The following SPG7 variants were observed in gnomAD, a reference collection of about 807,000 sequenced individuals.
SPG7 encodes SPG7 matrix AAA peptidase subunit, paraplegin.
Under a neutral mutation model 81.9 loss-of-function variants are expected in SPG7, and 103 were observed. The ratio of observed to expected loss-of-function variants is 1.26; its 90% confidence interval spans 1.07 to 1.48. The LOEUF is 1.48. Among genes scored for constraint, SPG7 ranks in the 40% most tolerant of loss-of-function variants. The pLI, the probability that SPG7 is intolerant of heterozygous loss-of-function variation, is 0.00. For missense variants in SPG7, 1,241 were observed against 1,087.3 expected (o/e 1.14, Z -1.99); for synonymous variants, 534 against 444.2 (o/e 1.20, Z -2.54).
At chr16:89,529,651 A>T in intron 6 of SPG7, 72 bp downstream of exon 6, 1 of 1,093,492 alleles carries the variant, frequency 9.1e-7, no homozygotes, top group Non-Finnish European at 1.4e-6. Flanking sequence ...CCCATAAGCT[A>T]TACGATGAAT....
chr16:89,509,302 CT>C (rs1254130041), intron 1 of SPG7, among the ~76,000 whole-genome samples: 1 of 152,148 alleles, frequency 6.6e-6, no homozygotes, highest in African/African-American at 2.4e-5. Flanking sequence ...GTCGCCCAGG[CT>C]GGAGTGCAAT....
At chr16:89,556,606 C>G in intron 16 of SPG7, 1 of 467,964 alleles carries the variant, frequency 2.1e-6, no homozygotes. Flanking sequence ...ACACACACGT[C>G]TTGTTTGGTG....
At chr16:89,508,937 G>C (rs1196907445) in intron 1 of SPG7, 1 of 524,852 alleles carries the variant, frequency 1.9e-6, no homozygotes, top group African/African-American at 1.9e-5. Flanking sequence ...CTAATTTACA[G>C]TCCACGCCTG....
In SPG7 at chr16:89,508,859, T is replaced by C. The variant is rs974573498; in HGVS notation, c.183+259T>C. 2.3e-5 allele frequency: 15 copies of C among 663,938 alleles called. No individual in the cohort carries two copies. In the African/African-American group the frequency reaches 2.7e-4, roughly 12 times the overall value. The allele number at this position is 663,938 out of a possible 1,614,324, so 41.1% of individuals were successfully genotyped here. On this transcript the variant is annotated intron_variant, in intron 1 of 16. Transcript: ENST00000645818. Reference sequence around the variant, plus strand: ...GGACTTTCCCAACCCGTCTGTTGTGTGTGGATGTTCTCCGCCCGTCTTCCT... The same window carrying C: ...GGACTTTCCCAACCCGTCTGTTGTGCGTGGATGTTCTCCGCCCGTCTTCCT...
intron 9 of SPG7, among the ~76,000 whole-genome samples, chr16:89,535,394 G>A (rs993409962): frequency 1.3e-5 from 2 of 152,210 alleles, no homozygotes; most frequent in Non-Finnish European, 2.9e-5. Flanking sequence ...GAGGTTAGAA[G>A]ATGAAAGTGA....
intron 10 of SPG7, chr16:89,545,264 C>A (rs1050723243): frequency 3.8e-6 from 1 of 263,278 alleles, no homozygotes; most frequent in Non-Finnish European, 7.5e-6. Context: ...CTGATCCCTC[C>A]TCTGTCACAG....
rs892719019 is a variant in SPG7 at position 89,533,004 on chromosome 16, A to G, written c.1324+368A>G. ...AGAATCGCTTGAACTCGGGAGGTGG[A>G]GGTTGCAGTGAGCCAAGATCTCACC... is the stretch of plus-strand genomic sequence containing the variant. On this transcript the variant is annotated intron_variant, in intron 9 of 16. Transcript: ENST00000645818. 14 of 272,726 alleles carry G rather than the reference A, an allele frequency of 5.1e-5. No individual in the cohort carries two copies. The East Asian group carries it at 1.1e-3, about 22-fold the overall frequency. The allele number at this position is 272,726 out of a possible 1,614,324, so 16.9% of individuals were successfully genotyped here. A position where few individuals can be genotyped will look rare whatever the true frequency, so the allele number is the denominator to read the frequency against.
intron 7 of SPG7, 91 bp downstream of exon 7, chr16:89,530,899 C>A: frequency 6.4e-7 from 1 of 1,568,896 alleles, no homozygotes; most frequent in Non-Finnish European, 8.8e-7. Context: ...GGAATTCCAT[C>A]GATGACGTGT....
At chr16:89,523,810 T>C (rs1238527635) in intron 3 of SPG7, 196 bp from the exon 4 acceptor site, 6 of 750,496 alleles carry the variant, frequency 8.0e-6, no homozygotes, top group Admixed American at 2.0e-5. Flanking sequence ...GCGAATGAAG[T>C]GTGGGTGACC....
intron 9 of SPG7, chr16:89,537,188 C>G (rs2058437047): frequency 7.0e-7 from 1 of 1,434,586 alleles, no homozygotes; most frequent in Non-Finnish European, 9.1e-7. Flanking sequence ...AGGGCCGACG[C>G]TGTGCCGGTC....
intron 7 of SPG7, 104 bp downstream of exon 7, chr16:89,530,912 TG>T (rs1196557075): frequency 1.3e-6 from 2 of 1,534,890 alleles, no homozygotes; most frequent in East Asian, 4.5e-5. Flanking sequence ...TGACGTGTCG[TG>T]GGTTGGCGGT....
intron 14 of SPG7, 159 bp from the exon 15 acceptor site, chr16:89,553,635 G>A: frequency 1.5e-6 from 1 of 664,326 alleles, no homozygotes; most frequent in Non-Finnish European, 2.6e-6. Flanking sequence ...GAACAGTGGT[G>A]AGGTGCCAAC....
intron 3 of SPG7, chr16:89,518,414 G>A (rs1337721286): frequency 3.3e-5 from 5 of 152,208 alleles, no homozygotes; most frequent in Non-Finnish European, 5.9e-5. Flanking sequence ...AATGAACCTG[G>A]AAGGAATTAT....
At chr16:89,546,792 C>G in intron 11 of SPG7, 32 bp downstream of exon 11, 1 of 1,468,108 alleles carries the variant, frequency 6.8e-7, no homozygotes, top group Non-Finnish European at 9.6e-7. Context: ...TGGGCAGCGT[C>G]ACGTCCTGAG....
chr16:89,508,736 CT>C, intron 1 of SPG7, 136 bp downstream of exon 1: 15 of 962,280 alleles, frequency 1.6e-5, no homozygotes, highest in Non-Finnish European at 2.4e-5. Context: ...GATCCCCCAG[CT>C]GTGGACCTCG....
intron 16 of SPG7, 167 bp downstream of exon 16, chr16:89,554,730 T>G: frequency 1.6e-6 from 1 of 636,876 alleles, no homozygotes; most frequent in African/African-American, 1.8e-5. Flanking sequence ...GTTCCATACT[T>G]TTTATCCTGA....
rs1446054909 is a variant in SPG7 at position 89,531,951 on chromosome 16, A to C, written c.1035A>C (p.Ala345=). The change falls in exon 8 of 17, where the codon GCA becomes GCC. Residue 345 remains alanine (A), a synonymous_variant. Transcript: ENST00000645818. The part of the protein sequence containing the change: ...LQLGAKVPKG[A]LLLGPPGCGK... ...TTGGCGCCAAGGTCCCAAAGGGCGC[A>C]CTGCTGCTCGGCCCCCCCGGCTGTG... 6.2e-7 allele frequency: 1 copy of C among 1,613,990 alleles called. No homozygotes were observed. Among genetic ancestry groups the C allele is most frequent in the East Asian group, 2.2e-5 (1 of 44,890 alleles).
chr16:89,514,308 C>CTTTTTTTT (rs148270097), intron 3 of SPG7: 3 of 48,418 alleles, frequency 6.2e-5, no homozygotes, highest in African/African-American at 9.2e-5. Flanking sequence ...TGTCCTTTGA[C>CTTTTTTTT]TTTTTTTTTT....
At chr16:89,521,349 A>G (rs1366627290) in intron 3 of SPG7, 2 of 152,284 alleles carry the variant, frequency 1.3e-5, no homozygotes, top group African/African-American at 2.4e-5. Context: ...ACACCTGTGA[A>G]TTAACATGCC....
Sources: gnomAD v4.1 joint callset for allele counts (sites outside exome capture counted in the v4.1 genomes callset) on GRCh38, gnomAD v4.1.1 for gene constraint, MANE v1.5 for transcripts, NCBI Gene and HGNC (gene_info 2026-07-23, HGNC 2026-07-21) for gene names.